Variants in PARP14 observed in about 807,000 individuals in gnomAD.
PARP14 encodes poly(ADP-ribose) polymerase family member 14, also known as protein mono-ADP-ribosyltransferase PARP14.
PARP14 carries 59 observed loss-of-function variants against 154.2 expected under a neutral mutation model. The observed-to-expected ratio is 0.38, with a 90% CI of 0.31 to 0.48. PARP14 has a LOEUF of 0.48. Among genes scored for constraint, PARP14 ranks in the 20% least tolerant of loss-of-function variants. PARP14 has a pLI of 0.98. For synonymous variants in PARP14, 720 were observed against 780.5 expected (o/e 0.92, Z 1.29); for missense variants, 1,734 against 2,131.6 (o/e 0.81, Z 3.67).
intron 8 of PARP14, among the ~76,000 whole-genome samples, chr3:122,705,755 T>C (rs1482467013): frequency 1.3e-5 from 2 of 152,234 alleles, no homozygotes; most frequent in Non-Finnish European, 1.5e-5. Context: ...TAATGCTTCA[T>C]TTTTCTGTGA....
chr3:122,704,333 G>T (rs1939080043), intron 7 of PARP14, among the ~76,000 whole-genome samples, 194 bp from the exon 8 acceptor site: 1 of 152,214 alleles, frequency 6.6e-6, no homozygotes, highest in South Asian at 2.1e-4. Context: ...TTGTGAATGT[G>T]TTTAAGTCTC....
chr3:122,718,948 G>A lies in PARP14; in HGVS notation c.4797G>A (p.Thr1599=), dbSNP rs376801190. ...ACAGTTTATCTGTTCAGCGCCTCAC[G>A]AAATCCAAAGGTGAGTTAAACATTC... ...KGHSLSVQRL[T]KSKVDIPAHW... is the part of the protein sequence containing the mutation. Residue 1599 remains threonine, a synonymous_variant, in exon 14 of 17, where the codon ACG becomes ACA. Coordinates refer to ENST00000474629, the MANE Select transcript of PARP14 (RefSeq NM_017554.3). 1.5e-5 allele frequency: 23 copies of A among 1,575,246 alleles called. No homozygotes were observed. Among genetic ancestry groups the A allele is most frequent in the Middle Eastern group, 1.7e-4 (1 of 5,902 alleles).
At chr3:122,689,762 T>C (rs1938482698) in intron 3 of PARP14, among the ~76,000 whole-genome samples, 1 of 152,202 alleles carries the variant, frequency 6.6e-6, no homozygotes, top group African/African-American at 2.4e-5. Flanking sequence ...GCACTATTGC[T>C]AAATAGCCTG....
chr3:122,708,192 AT>A lies in PARP14; in HGVS notation c.3547del (p.Ser1183GlnfsTer40). The A allele has an allele frequency of 1.9e-6, 3 of 1,539,578 alleles. No individual in the cohort carries two copies. Among genetic ancestry groups the A allele is most frequent in the Non-Finnish European group, 2.7e-6 (3 of 1,129,462 alleles). Reference sequence around the variant, plus strand: ...TCAACGCTGTGTTTATATTTCAGGCATTTTCAGATGAATTTGCCAGAAGGGC... The same window carrying A: ...TCAACGCTGTGTTTATATTTCAGGCATTTCAGATGAATTTGCCAGAAGGGC... The part of the protein sequence containing the change: ...HPSDHENIQA[F>X]SDEFARRANG... On this transcript the variant is annotated frameshift_variant, in exon 9 of 17. Transcript: ENST00000474629. LOFTEE classifies it high-confidence loss of function.
intron 15 of PARP14, chr3:122,721,108 AC>A (rs1341658644): frequency 3.0e-6 from 1 of 329,550 alleles, no homozygotes; most frequent in African/African-American, 2.2e-5. Flanking sequence ...TCTCTTCCAA[AC>A]CCCTAATTCT....
chr3:122,692,274 G>A (rs199794694), intron 3 of PARP14, 27 bp from the exon 4 acceptor site: 2 of 1,595,624 alleles, frequency 1.3e-6, no homozygotes, highest in Admixed American at 1.7e-5. Context: ...ATAACATCTT[G>A]TACCTCTTTT....
At chr3:122,684,715 C>T (rs1266849926) in intron 1 of PARP14, among the ~76,000 whole-genome samples, 2 of 152,146 alleles carry the variant, frequency 1.3e-5, no homozygotes, top group African/African-American at 4.8e-5. Flanking sequence ...TAGCCACCTT[C>T]CTAAAACGTG....
chr3:122,689,410 A>G (rs1330884266), intron 3 of PARP14, among the ~76,000 whole-genome samples: 1 of 152,112 alleles, frequency 6.6e-6, no homozygotes, highest in Admixed American at 6.5e-5. Flanking sequence ...GGCTCAAGCA[A>G]TCCTCCCACA....
At chr3:122,687,245 G>C in intron 3 of PARP14, 132 bp downstream of exon 3, 1 of 659,432 alleles carries the variant, frequency 1.5e-6, no homozygotes, top group South Asian at 1.9e-5. Context: ...GAGCTGCCTT[G>C]GACTGCATCA....
chr3:122,701,189 C>G lies in PARP14; in HGVS notation c.2635C>G (p.His879Asp). The change falls in exon 6 of 17, where the codon CAT becomes GAT. Residue 879 changes from histidine to aspartate, a missense_variant. His to Asp is a moderately conservative substitution (Grantham distance 81). Coordinates refer to ENST00000474629, the MANE Select transcript of PARP14 (RefSeq NM_017554.3). This position sits in a 1 kb window ranked among gnomAD's most constrained non-coding sequence, Gnocchi z 4.0. ...AAAGCTGCCCTACCACCACGTGATC[C>G]ATGCAGTGGGGCCCCGCTGGAGCGG... ...AGKLPYHHVI[H>D]AVGPRWSGYE... 7.4e-6 allele frequency: 12 copies of G among 1,613,556 alleles called. No homozygotes were observed. Among genetic ancestry groups the G allele is most frequent in the Non-Finnish European group, 1.0e-5 (12 of 1,179,660 alleles).
At position 122,728,344 on chromosome 3, in the gene PARP14, A is replaced by G; in HGVS notation, c.5153A>G (p.Asn1718Ser). ...GGAAAGGGAACCTATTTTGCTGTCA[A>G]TGCCAATTATTCTGCCAATGATACG... ...AYGKGTYFAVNANYSANDTYS... is the reference protein window; with the variant it reads ...AYGKGTYFAVSANYSANDTYS... The change falls in exon 17 of 17, where the codon AAT becomes AGT. Residue 1718 changes from asparagine (N) to serine (S), a missense_variant. Physicochemically the swap from Asn to Ser is conservative, Grantham distance 46 (BLOSUM62 1). Transcript: ENST00000474629. The G allele has an allele frequency of 6.2e-7, 1 of 1,613,618 alleles. No individual in the cohort carries two copies. The highest frequency in any genetic ancestry group is 8.5e-7 in the Non-Finnish European group (1 of 1,179,508).
chr3:122,699,159 G>A (rs914058171), intron 5 of PARP14, among the ~76,000 whole-genome samples: 19 of 152,056 alleles, frequency 1.2e-4, no homozygotes, highest in Admixed American at 6.6e-5. Context: ...TTTTTAATAC[G>A]CTGTAACATC....
At chr3:122,716,187 A>G (rs1932990719) in intron 12 of PARP14, among the ~76,000 whole-genome samples, 1 of 152,184 alleles carries the variant, frequency 6.6e-6, no homozygotes, top group African/African-American at 2.4e-5. Flanking sequence ...ACACCTGCAT[A>G]AGAGGAGAGA....
intron 15 of PARP14, among the ~76,000 whole-genome samples, chr3:122,723,913 C>T (rs1933219222): frequency 6.6e-6 from 1 of 152,046 alleles, no homozygotes; most frequent in Admixed American, 6.5e-5. Context: ...TGTTATTTGG[C>T]ATTTTTTTGA....
intron 14 of PARP14, 148 bp downstream of exon 14, chr3:122,719,106 G>A (rs1255959747): frequency 1.3e-6 from 1 of 788,460 alleles, no homozygotes; most frequent in African/African-American, 1.8e-5. Flanking sequence ...TGCGCTTAAA[G>A]AGCTTACGTT....
intron 15 of PARP14, among the ~76,000 whole-genome samples, chr3:122,724,749 A>G (rs968191999): frequency 6.6e-6 from 1 of 151,930 alleles, no homozygotes; most frequent in East Asian, 1.9e-4. Context: ...GTCAGCAGAT[A>G]AACACGTGAA....
At chr3:122,697,339 C>G (rs1288482314) in intron 5 of PARP14, among the ~76,000 whole-genome samples, 1 of 152,190 alleles carries the variant, frequency 6.6e-6, no homozygotes, top group Non-Finnish European at 1.5e-5. Context: ...TTATGGGCAT[C>G]TTGATTGTTA....
chr3:122,685,698 C>T (rs926357323), intron 2 of PARP14, among the ~76,000 whole-genome samples: 5 of 151,908 alleles, frequency 3.3e-5, no homozygotes, highest in South Asian at 2.1e-4. Context: ...TTAGTAGAGA[C>T]GGGGTTTCAC....
intron 3 of PARP14, among the ~76,000 whole-genome samples, chr3:122,689,248 C>G (rs1938467424): frequency 6.6e-6 from 1 of 152,216 alleles, no homozygotes; most frequent in African/African-American, 2.4e-5. Flanking sequence ...AGTACACAAT[C>G]AGTCTGCTCG....
Sources: gnomAD v4.1 joint callset for allele counts (sites outside exome capture counted in the v4.1 genomes callset) on GRCh38, gnomAD v4.1.1 for gene constraint, Gnocchi (gnomAD v3.1) non-coding constraint, MANE v1.5 for transcripts, NCBI Gene and HGNC (gene_info 2026-07-23, HGNC 2026-07-21) for gene names.